Variants in DYNC1I2 observed in about 807,000 individuals in gnomAD.
DYNC1I2 encodes the protein cytoplasmic dynein 1 intermediate chain 2.
DYNC1I2 carries 53 observed loss-of-function variants against 88.6 expected under a neutral mutation model. The observed-to-expected ratio is 0.60, with a 90% CI of 0.48 to 0.75. The LOEUF (loss-of-function observed/expected upper bound fraction) is 0.75, where lower values mean the gene tolerates loss of function less well. Ranked by LOEUF, DYNC1I2 falls within the 30% of genes least tolerant of loss-of-function variation. The pLI is 0.00. For synonymous variants in DYNC1I2, 198 were observed against 254.6 expected, an observed-to-expected ratio of 0.78 and a Z score of 2.12; for missense variants, 458 against 766.6, an observed-to-expected ratio of 0.60 and a Z score of 4.75.
At chr2:171,728,528 C>A in intron 13 of DYNC1I2, 110 bp downstream of exon 13, 1 of 806,740 alleles carries the variant, frequency 1.2e-6, no homozygotes, top group Non-Finnish European at 1.9e-6. Flanking sequence ...GTTACAACAG[C>A]TTATAAGCTG....
At chr2:171,697,454 CA>C (rs1351812122) in intron 3 of DYNC1I2, among the ~76,000 whole-genome samples, 2 of 152,170 alleles carry the variant, frequency 1.3e-5, no homozygotes, top group East Asian at 3.8e-4. Context: ...GGCATTCTCA[CA>C]TTTAGCTTTT....
intron 6 of DYNC1I2, among the ~76,000 whole-genome samples, chr2:171,713,603 C>A (rs1687282507): frequency 6.6e-6 from 1 of 151,786 alleles, no homozygotes. Context: ...TAAGATTATC[C>A]ATCCATTCAT....
chr2:171,713,440 CTT>C (rs552134559), intron 6 of DYNC1I2, among the ~76,000 whole-genome samples: 2 of 141,374 alleles, frequency 1.4e-5, no homozygotes, highest in Admixed American at 7.0e-5. Flanking sequence ...TTGTTTTTTG[CTT>C]TTTTTTTTGG....
Position 171,726,856 on chromosome 2 carries a change from G to A in DYNC1I2, c.936G>A (p.Val312=). Residue 312 remains valine (V), a synonymous_variant, in exon 11 of 18, where the codon GTG becomes GTA. Transcript: ENST00000397119. ...NEDAPHEPDG[V]ALVWNMKYKK... is the part of the protein sequence containing the mutation. ...ATGCCCCTCATGAGCCTGATGGTGT[G>A]GCCCTTGTATGGAATATGAAATACA... 3 of 1,612,932 alleles carry A rather than the reference G, an allele frequency of 1.9e-6. No individual in the cohort carries two copies. Among genetic ancestry groups the A allele is most frequent in the Non-Finnish European group, 2.5e-6 (3 of 1,179,266 alleles).
intron 4 of DYNC1I2, chr2:171,706,813 A>T: frequency 4.5e-6 from 2 of 447,264 alleles, no homozygotes; most frequent in Non-Finnish European, 7.8e-6. Flanking sequence ...ATTATTAGAC[A>T]AAAGTTAATA....
rs1236793467 is a variant in DYNC1I2 at position 171,749,838 on chromosome 2, G to A, written c.*1949G>A. Among the ~76,000 whole-genome samples the A allele has an allele frequency of 6.6e-6, 1 of 151,814 alleles. No individual in the cohort carries two copies. The highest frequency in any genetic ancestry group is 1.5e-5 in the Non-Finnish European group (1 of 67,926). ...TACCTTTAAAGTTGACTATATAATAGCAAAAGAGAAAGTATTGAGACTGTC... is the reference window on the plus strand; with the variant it reads ...TACCTTTAAAGTTGACTATATAATAACAAAAGAGAAAGTATTGAGACTGTC... On this transcript the variant is annotated 3_prime_UTR_variant, in exon 18 of 18. Transcript: ENST00000397119.
At chr2:171,743,125 A>G (rs1689557463) in intron 15 of DYNC1I2, among the ~76,000 whole-genome samples, 1 of 152,204 alleles carries the variant, frequency 6.6e-6, no homozygotes, top group Admixed American at 6.5e-5. Context: ...ATTAACACAT[A>G]TTTTTTATGT....
chr2:171,728,982 C>T (rs1040935353), intron 14 of DYNC1I2, 132 bp downstream of exon 14: 2 of 1,004,644 alleles, frequency 2.0e-6, no homozygotes, highest in South Asian at 3.6e-5. Context: ...TGTTCAGGCA[C>T]ATAAAATTAA....
At chr2:171,718,255 G>A (rs1316072208) in intron 7 of DYNC1I2, among the ~76,000 whole-genome samples, 2 of 151,536 alleles carry the variant, frequency 1.3e-5, no homozygotes, top group Admixed American at 6.6e-5. Context: ...ACCACATCCA[G>A]CCAAGATTTT....
chr2:171,727,745 A>T (rs1306543253), intron 11 of DYNC1I2, 76 bp from the exon 12 acceptor site: 1 of 1,377,096 alleles, frequency 7.3e-7, no homozygotes, highest in Non-Finnish European at 1.0e-6. Flanking sequence ...AATGTTTCGG[A>T]TAATAGATTG....
intron 15 of DYNC1I2, among the ~76,000 whole-genome samples, chr2:171,737,382 A>G (rs1451903663): frequency 6.6e-6 from 1 of 152,202 alleles, no homozygotes; most frequent in Non-Finnish European, 1.5e-5. Flanking sequence ...AATTTTGGGA[A>G]GACACTATTC....
chr2:171,747,206 A>T (rs1473966420), intron 17 of DYNC1I2, among the ~76,000 whole-genome samples: 58 of 68,644 alleles, frequency 8.4e-4, no homozygotes, highest in African/African-American at 1.9e-3. Context: ...AAAAAAAAAA[A>T]TTATATATAT....
chr2:171,736,050 A>G (rs1320035663), intron 15 of DYNC1I2, among the ~76,000 whole-genome samples: 1 of 152,170 alleles, frequency 6.6e-6, no homozygotes, highest in Non-Finnish European at 1.5e-5. Flanking sequence ...CCTTATATTA[A>G]TAGCTTACTT....
At chr2:171,738,618 G>A (rs549097651) in intron 15 of DYNC1I2, among the ~76,000 whole-genome samples, 1 of 152,244 alleles carries the variant, frequency 6.6e-6, no homozygotes, top group South Asian at 2.1e-4. Flanking sequence ...TACCTAGAGT[G>A]GAATTACTTG....
At chr2:171,696,043 G>A (rs530897005) in intron 3 of DYNC1I2, among the ~76,000 whole-genome samples, 1 of 152,180 alleles carries the variant, frequency 6.6e-6, no homozygotes, top group African/African-American at 2.4e-5. Context: ...CATTTACTAT[G>A]ATTGAGGTTC....
At position 171,706,531 on chromosome 2, in the gene DYNC1I2, T is replaced by C; in HGVS notation, c.227-16T>C. On this transcript the variant is annotated splice_polypyrimidine_tract_variant and intron_variant, in intron 3 of 17. Transcript: ENST00000397119. ...AGAATATTTTGGGTGTCTGTATCTT[T>C]GTCTGTACACTTCAGTTTTTTCTGA... 1 of 1,610,418 alleles carries C rather than the reference T, an allele frequency of 6.2e-7. No homozygotes were observed. The highest frequency in any genetic ancestry group is 8.5e-7 in the Non-Finnish European group (1 of 1,177,304).
intron 15 of DYNC1I2, among the ~76,000 whole-genome samples, chr2:171,739,813 C>A (rs1689290227): frequency 7.2e-6 from 1 of 138,838 alleles, no homozygotes; most frequent in Non-Finnish European, 1.5e-5. Context: ...TCAAGTGATT[C>A]TTATGCCTCA....
intron 2 of DYNC1I2, among the ~76,000 whole-genome samples, chr2:171,691,567 C>T (rs1409894286): frequency 6.6e-6 from 1 of 152,146 alleles, no homozygotes; most frequent in African/African-American, 2.4e-5. Context: ...GAAGAATTTG[C>T]TAGTTTATTC....
intron 15 of DYNC1I2, among the ~76,000 whole-genome samples, chr2:171,741,632 A>G (rs1689432549): frequency 6.6e-6 from 1 of 152,084 alleles, no homozygotes; most frequent in Non-Finnish European, 1.5e-5. Flanking sequence ...TTCTCTTTTC[A>G]CTTTCTTGAT....
Sources: gnomAD v4.1 joint callset for allele counts (sites outside exome capture counted in the v4.1 genomes callset) on GRCh38, gnomAD v4.1.1 for gene constraint, MANE v1.5 for transcripts, NCBI Gene and HGNC (gene_info 2026-07-23, HGNC 2026-07-21) for gene names.